Variants in GRID2 observed in about 807,000 individuals in gnomAD.
GRID2 encodes the protein glutamate receptor ionotropic, delta-2.
GRID2 carries 33 observed loss-of-function variants against 114.8 expected under a neutral mutation model. That is an observed-to-expected ratio of 0.29 (90% confidence interval 0.22 to 0.38). The LOEUF (loss-of-function observed/expected upper bound fraction) is 0.38. GRID2 is among the 10% of genes least tolerant of loss of function. The probability of loss-of-function intolerance (pLI) is 1.00; values close to 1 mark genes in which losing one functional copy is unlikely to be tolerated. For missense variants in GRID2, 1,184 were observed against 1,257.7 expected, an observed-to-expected ratio of 0.94 and a Z score of 0.89; for synonymous variants, 505 against 449.9, an observed-to-expected ratio of 1.12 and a Z score of -1.55.
chr4:93,121,392 TA>T (rs1251035803), intron 4 of GRID2, among the ~76,000 whole-genome samples: 1 of 152,196 alleles, frequency 6.6e-6, no homozygotes, highest in Non-Finnish European at 1.5e-5. Context: ...TGATTAATTT[TA>T]AACTGTATAT....
intron 8 of GRID2, among the ~76,000 whole-genome samples, chr4:93,332,154 C>T (rs976531474): frequency 9.9e-5 from 15 of 152,000 alleles, no homozygotes; most frequent in Admixed American, 3.3e-4. Context: ...CAAGTGGAAT[C>T]GCTGTCTTGT....
chr4:93,042,275 TTC>T (rs533042666), intron 2 of GRID2, among the ~76,000 whole-genome samples: 2,733 of 125,496 alleles, frequency 0.022, 31 homozygotes, highest in South Asian at 0.048. Context: ...CTCTCTCTCT[TTC>T]TCTCTCTCTC....
intron 8 of GRID2, among the ~76,000 whole-genome samples, chr4:93,248,969 A>G (rs1478313630): frequency 6.6e-6 from 1 of 152,178 alleles, no homozygotes; most frequent in Non-Finnish European, 1.5e-5. Flanking sequence ...ATTGATTGAT[A>G]CTTGTTCCTT....
chr4:93,166,161 C>T (rs920646079), intron 4 of GRID2: 10 of 152,100 alleles, frequency 6.6e-5, no homozygotes, highest in African/African-American at 2.2e-4. Flanking sequence ...CACTAACATA[C>T]GTGAGTAAAG....
At chr4:92,800,049 G>T in intron 2 of GRID2, among the ~76,000 whole-genome samples, 1 of 151,858 alleles carries the variant, frequency 6.6e-6, no homozygotes, top group Non-Finnish European at 1.5e-5. Context: ...CACTACGTCA[G>T]TTCTTTTTCA....
chr4:92,772,121 C>T (rs972070095), intron 2 of GRID2, among the ~76,000 whole-genome samples: 1 of 152,278 alleles, frequency 6.6e-6, no homozygotes. Context: ...CTCTGCCTCA[C>T]TTTAGTTTTC....
intron 1 of GRID2, among the ~76,000 whole-genome samples, chr4:92,356,485 T>G (rs1728329435): frequency 6.6e-6 from 1 of 151,532 alleles, no homozygotes; most frequent in African/African-American, 2.4e-5. Flanking sequence ...TTTATGAGAT[T>G]CTCAGCCATA....
At chr4:93,740,268 C>G (rs1046372889) in intron 14 of GRID2, among the ~76,000 whole-genome samples, 5 of 152,154 alleles carry the variant, frequency 3.3e-5, no homozygotes, top group Non-Finnish European at 7.3e-5. Context: ...AGTTTACTCT[C>G]TAATGTTCAC....
intron 2 of GRID2, among the ~76,000 whole-genome samples, chr4:92,996,630 G>T (rs1755215111): frequency 6.6e-6 from 1 of 152,174 alleles, no homozygotes; most frequent in South Asian, 2.1e-4. Flanking sequence ...GGAATGAGAA[G>T]TCAGGAGCCG....
intron 2 of GRID2, among the ~76,000 whole-genome samples, chr4:92,905,953 T>G (rs1747921784): frequency 6.6e-6 from 1 of 152,184 alleles, no homozygotes; most frequent in Non-Finnish European, 1.5e-5. Flanking sequence ...TACTTAAAGT[T>G]AATTATAAAT....
At chr4:92,644,461 C>A (rs952870464) in intron 2 of GRID2, among the ~76,000 whole-genome samples, 1 of 151,668 alleles carries the variant, frequency 6.6e-6, no homozygotes, top group Non-Finnish European at 1.5e-5. Context: ...CAGGCTGTAG[C>A]TCTCATTTTT....
At chr4:92,785,118 A>G (rs1038867268) in intron 2 of GRID2, among the ~76,000 whole-genome samples, 3 of 147,794 alleles carry the variant, frequency 2.0e-5, no homozygotes, top group Non-Finnish European at 3.0e-5. Context: ...ACTAAAAATG[A>G]TAAGTCTCTT....
chr4:92,806,148 A>G (rs1740398459), intron 2 of GRID2, among the ~76,000 whole-genome samples: 1 of 149,792 alleles, frequency 6.7e-6, no homozygotes, highest in East Asian at 2.0e-4. Context: ...TGTCAAATCT[A>G]TTAGAAAATA....
At chr4:93,100,828 T>G (rs946080080) in intron 3 of GRID2, among the ~76,000 whole-genome samples, 6 of 152,086 alleles carry the variant, frequency 3.9e-5, no homozygotes, top group African/African-American at 1.4e-4. Flanking sequence ...TCTCTTTTCC[T>G]ATTGAATTCA....
chr4:93,216,427 C>T (rs1416663906), intron 5 of GRID2, among the ~76,000 whole-genome samples: 1 of 151,892 alleles, frequency 6.6e-6, no homozygotes, highest in Non-Finnish European at 1.5e-5. Flanking sequence ...AATGTTTTGA[C>T]CACACCTATG....
At chr4:92,405,984 T>C (rs1415924806) in intron 1 of GRID2, among the ~76,000 whole-genome samples, 6 of 152,100 alleles carry the variant, frequency 3.9e-5, no homozygotes, top group Non-Finnish European at 8.8e-5. Context: ...ACTGAAGAAC[T>C]TGGAGTCCAA....
At chr4:92,565,394 G>T (rs1232256804) in intron 1 of GRID2, among the ~76,000 whole-genome samples, 1 of 151,850 alleles carries the variant, frequency 6.6e-6, no homozygotes, top group Non-Finnish European at 1.5e-5. Context: ...CTAAGAGCTA[G>T]AAGCTTTATA....
At chr4:92,672,271 G>A (rs538610774) in intron 2 of GRID2, among the ~76,000 whole-genome samples, 8 of 151,982 alleles carry the variant, frequency 5.3e-5, no homozygotes, top group African/African-American at 7.2e-5. Flanking sequence ...AGATTATTTT[G>A]AAGTAAACTC....
intron 8 of GRID2, among the ~76,000 whole-genome samples, chr4:93,346,437 T>A (rs1760245931): frequency 6.6e-6 from 1 of 152,172 alleles, no homozygotes; most frequent in African/African-American, 2.4e-5. Flanking sequence ...CCTTTCTCTC[T>A]CACAATTCAT....
Sources: allele counts gnomAD v4.1 joint callset (sites outside exome capture counted in the v4.1 genomes callset), GRCh38; gene constraint gnomAD v4.1.1; transcripts MANE v1.5; gene names NCBI Gene and HGNC (gene_info 2026-07-23, HGNC 2026-07-21).